Variants in RFESD observed in about 807,000 individuals in gnomAD.
RFESD encodes Rieske Fe-S domain containing.
A neutral mutation model predicts 24.4 loss-of-function variants in RFESD; 16 were observed. The observed-to-expected ratio is 0.66, with a 90% CI of 0.44 to 1.00. The LOEUF is 1.00. RFESD is among the 50% of genes least tolerant of loss of function. The pLI, the probability that RFESD is intolerant of heterozygous loss-of-function variation, is 0.00. For missense variants in RFESD, 208 were observed against 247.0 expected, an observed-to-expected ratio of 0.84 and a Z score of 1.06; for synonymous variants, 59 against 81.8, an observed-to-expected ratio of 0.72 and a Z score of 1.50.
intron 1 of RFESD, among the ~76,000 whole-genome samples, chr5:95,650,652 A>G (rs1750277349): frequency 6.6e-6 from 1 of 152,256 alleles, no homozygotes; most frequent in Non-Finnish European, 1.5e-5. Flanking sequence ...TTAAATAAAT[A>G]TTTAGAGAAG....
chr5:95,648,222 G>A (rs1439888384), intron 1 of RFESD: 2 of 152,138 alleles, frequency 1.3e-5, no homozygotes, highest in Non-Finnish European at 2.9e-5. Flanking sequence ...TAGCTAATTT[G>A]TAATTTTATA....
Position 95,654,236 on chromosome 5 carries a change from C to A in RFESD, c.334C>A (p.His112Asn). The A allele has an allele frequency of 6.2e-7, 1 of 1,610,964 alleles. No individual in the cohort carries two copies. Among genetic ancestry groups the A allele is most frequent in the Non-Finnish European group, 8.5e-7 (1 of 1,178,776 alleles). ...EYHAMDIRCY[H>N]SGGPLHLGDI... ...TCATGCTATGGATATTCGCTGTTAC[C>A]GTAAGATTTTATTTTTCATTTGTAA... Residue 112 changes from histidine to asparagine, a missense_variant and splice_region_variant, in exon 4 of 6, where the codon CAC becomes AAC. Transcript: ENST00000380005.
chr5:95,649,376 C>G (rs1000920590), intron 1 of RFESD, among the ~76,000 whole-genome samples: 1 of 152,138 alleles, frequency 6.6e-6, no homozygotes, highest in African/African-American at 2.4e-5. Context: ...GTACAGCATT[C>G]CATTGAATGA....
At position 95,652,424 on chromosome 5, in the gene RFESD, A is replaced by G. The variant is rs2112504916; in HGVS notation, c.60+93A>G. The stretch of plus-strand genomic sequence containing the variant: ...TCTCATATATCTGGTTGTTGACTTG[A>G]CATCTCTACTTGGATGTCTCTGAGA... On this transcript the variant is annotated intron_variant, in intron 2 of 5. Coordinates refer to ENST00000380005, the MANE Select transcript of RFESD (RefSeq NM_001131066.2). 11 of 1,473,972 alleles carry G rather than the reference A, an allele frequency of 7.5e-6. 1 individual carries two copies. The highest frequency in any genetic ancestry group is 4.0e-5 in the South Asian group (3 of 74,616). The allele number at this position is 1,473,972 out of a possible 1,614,324, so 91.3% of individuals were successfully genotyped here. A position where few individuals can be genotyped will look rare whatever the true frequency, so the allele number is the denominator to read the frequency against.
In RFESD at chr5:95,656,077, C is replaced by G. The variant is rs141135045; in HGVS notation, c.401C>G (p.Pro134Arg). 1.7e-4 allele frequency: 282 copies of G among 1,613,388 alleles called. 1 individual carries two copies. The highest frequency in any genetic ancestry group is 2.2e-4 in the Non-Finnish European group (262 of 1,179,588). ...DFDGRPCIVC[P>R]WHKYKITLAT... is the part of the protein sequence containing the mutation. ...GATGGACGACCGTGTATAGTTTGCC[C>G]CTGGCATAAATACAAAATTACTTTG... is the stretch of plus-strand genomic sequence containing the variant. Residue 134 changes from proline to arginine, a missense_variant, in exon 6 of 6, where the codon CCC becomes CGC. Transcript: ENST00000380005.
intron 1 of RFESD, among the ~76,000 whole-genome samples, chr5:95,648,972 T>C (rs902034253): frequency 6.7e-6 from 1 of 150,358 alleles, no homozygotes; most frequent in African/African-American, 2.5e-5. Context: ...GTTTTGAAAT[T>C]AGCTGTACAA....
intron 1 of RFESD, among the ~76,000 whole-genome samples, chr5:95,648,995 G>C (rs1750210769): frequency 1.4e-5 from 2 of 138,158 alleles, no homozygotes; most frequent in South Asian, 4.8e-4. Flanking sequence ...TTCTCAAATA[G>C]TTAATTCATG....
At chr5:95,652,907 G>T in intron 2 of RFESD, 1 of 604,448 alleles carries the variant, frequency 1.7e-6, no homozygotes, top group Non-Finnish European at 2.7e-6. Context: ...ACAGAGCCGG[G>T]AGCATTCTTT....
At chr5:95,647,684 ATATC>A (rs1750161296) in intron 1 of RFESD, 1 of 152,132 alleles carries the variant, frequency 6.6e-6, no homozygotes, top group Non-Finnish European at 1.5e-5. Context: ...ACAAATATAA[ATATC>A]AATACTATAT....
At chr5:95,649,424 T>G (rs1295301763) in intron 1 of RFESD, among the ~76,000 whole-genome samples, 1 of 152,194 alleles carries the variant, frequency 6.6e-6, no homozygotes, top group Non-Finnish European at 1.5e-5. Flanking sequence ...ATGGGTTTTG[T>G]GTTGTTTTTG....
intron 3 of RFESD, among the ~76,000 whole-genome samples, 192 bp downstream of exon 3, chr5:95,653,406 A>C (rs1750482048): frequency 6.6e-6 from 1 of 152,250 alleles, no homozygotes; most frequent in African/African-American, 2.4e-5. Context: ...CAGATAACTG[A>C]ATGTTGTTTA....
rs962288208 is a variant in RFESD at position 95,657,878 on chromosome 5, C to T, written c.*1569C>T. The stretch of plus-strand genomic sequence containing the variant: ...ATAATCCTTCAATGCCCAGTCAGGT[C>T]TTAACACATGTCCAGAATATAAAGT... On this transcript the variant is annotated 3_prime_UTR_variant, in exon 6 of 6. Transcript: ENST00000380005. The T allele has an allele frequency of 4.6e-5, 7 of 152,142 alleles. No homozygotes were observed. Among genetic ancestry groups the T allele is most frequent in the African/African-American group, 1.7e-4 (7 of 41,444 alleles). 9.4% of individuals were successfully genotyped at this position (152,142 alleles called of 1,614,324 possible).
intron 1 of RFESD, chr5:95,648,106 C>G (rs115917999): frequency 6.6e-6 from 1 of 152,184 alleles, no homozygotes; most frequent in Non-Finnish European, 1.5e-5. Flanking sequence ...TTTCTTTTAT[C>G]TCCCGTGTCT....
chr5:95,651,143 A>G (rs1056337728), intron 1 of RFESD, among the ~76,000 whole-genome samples: 37 of 147,358 alleles, frequency 2.5e-4, no homozygotes, highest in African/African-American at 9.0e-4. Flanking sequence ...ATGTGTTTTT[A>G]TGTAAAATGG....
intron 1 of RFESD, among the ~76,000 whole-genome samples, chr5:95,648,534 G>T (rs1750195778): frequency 6.6e-6 from 1 of 152,092 alleles, no homozygotes; most frequent in South Asian, 2.1e-4. Flanking sequence ...AATAATATGG[G>T]TGTTAAATGT....
chr5:95,649,823 T>A (rs1483014038), intron 1 of RFESD, among the ~76,000 whole-genome samples: 1 of 152,256 alleles, frequency 6.6e-6, no homozygotes, highest in Non-Finnish European at 1.5e-5. Context: ...CTTCACATAT[T>A]CTGAATCTCA....
At chr5:95,652,486 C>A (rs1750401796) in intron 2 of RFESD, 155 bp downstream of exon 2, 1 of 927,706 alleles carries the variant, frequency 1.1e-6, no homozygotes, top group Non-Finnish European at 1.5e-6. Flanking sequence ...ATATATAGCT[C>A]TTGATTTTCC....
Position 95,652,257 on chromosome 5 carries a change from C to A in RFESD, c.-15C>A. On this transcript the variant is annotated 5_prime_UTR_variant, in exon 2 of 6. Transcript: ENST00000380005. The stretch of plus-strand genomic sequence containing the variant: ...ATCTTGCCTCTCTACAACCTCTCTT[C>A]CACCTGACCTCTAAATGTTGAAGTG... 1 of 1,548,326 alleles carries A rather than the reference C, an allele frequency of 6.5e-7. No individual in the cohort carries two copies.
At chr5:95,651,005 G>A (rs1413046425) in intron 1 of RFESD, among the ~76,000 whole-genome samples, 3 of 151,292 alleles carry the variant, frequency 2.0e-5, no homozygotes, top group Admixed American at 2.0e-4. Flanking sequence ...AGCTGAGGCA[G>A]GAGAATGACA....
Sources: allele counts gnomAD v4.1 joint callset (sites outside exome capture counted in the v4.1 genomes callset), GRCh38; gene constraint gnomAD v4.1.1; transcripts MANE v1.5; gene names NCBI Gene and HGNC (gene_info 2026-07-23, HGNC 2026-07-21).